Variants in CHRNG observed in about 807,000 individuals in gnomAD.
CHRNG encodes the protein acetylcholine receptor subunit gamma.
Under a neutral mutation model 65.2 loss-of-function variants are expected in CHRNG, and 72 were observed. The ratio of observed to expected loss-of-function variants is 1.10; its 90% CI spans 0.91 to 1.34. The LOEUF (loss-of-function observed/expected upper bound fraction) is 1.34. CHRNG is among the 40% of genes most tolerant of loss of function. CHRNG has a pLI of 0.00. For synonymous variants in CHRNG, 284 were observed against 290.2 expected, an observed-to-expected ratio of 0.98 and a Z score of 0.22; for missense variants, 637 against 680.1, an observed-to-expected ratio of 0.94 and a Z score of 0.70.
chr2:232,540,688 G>A lies in CHRNG; in HGVS notation c.327G>A (p.Arg109=), dbSNP rs150809496. The A allele has an allele frequency of 3.7e-6, 6 of 1,612,124 alleles. No homozygotes were observed. In the African/African-American group the frequency reaches 6.7e-5, roughly 18 times the overall value. ...VLRVPSTMVW[R]PDIVLENNVD... The stretch of plus-strand genomic sequence containing the variant: ...GGGTGCCGTCCACCATGGTGTGGCG[G>A]CCGGATATCGTGCTGGAGAACAAGT... The change falls in exon 4 of 12, where the codon CGG becomes CGA. Residue 109 remains arginine, a synonymous_variant. Coordinates refer to ENST00000651502, the MANE Select transcript of CHRNG (RefSeq NM_005199.5). This position sits in a 1 kb window ranked among gnomAD's most constrained non-coding sequence, Gnocchi z 4.2.
chr2:232,541,494 C>T lies in CHRNG; in HGVS notation c.471C>T (p.Phe157=), dbSNP rs143272752. ...RSACSISVTY[F]PFDWQNCSLI... is the part of the protein sequence containing the mutation. ...CCTGCTCTATCTCAGTCACCTACTT[C>T]CCCTTCGACTGGCAGAACTGCTCCC... Residue 157 remains phenylalanine, a synonymous_variant, in exon 5 of 12, where the codon TTC becomes TTT. Coordinates refer to ENST00000651502, the MANE Select transcript of CHRNG (RefSeq NM_005199.5). This position sits in a 1 kb window ranked among gnomAD's most constrained non-coding sequence, Gnocchi z 4.0. 2,194 of 1,614,156 alleles carry T rather than the reference C, an allele frequency of 1.4e-3. 6 individuals are homozygous for T. Among genetic ancestry groups the T allele is most frequent in the South Asian group, 2.9e-3 (266 of 91,088 alleles).
Position 232,541,817 on chromosome 2 carries a change from A to T in CHRNG, c.506+288A>T, listed in dbSNP as rs1692022706. 1.1e-5 allele frequency: 6 copies of T among 525,788 alleles called. 1 individual carries two copies. In the South Asian group the frequency reaches 1.2e-4, roughly 11 times the overall value. 32.6% of individuals were successfully genotyped at this position (525,788 alleles called of 1,614,324 possible). A position where few individuals can be genotyped will look rare whatever the true frequency, so the allele number is the denominator to read the frequency against. Reference sequence around the variant, plus strand: ...GGGGTGCGTGGGTGAGAAGGCACACATGCACACAAGATGCGTGTCTGCGCA... The same window carrying T: ...GGGGTGCGTGGGTGAGAAGGCACACTTGCACACAAGATGCGTGTCTGCGCA... On this transcript the variant is annotated intron_variant, in intron 5 of 11. Transcript: ENST00000651502. The surrounding 1 kb of genome is among the most constrained non-coding windows in gnomAD (Gnocchi z 4.0).
At position 232,543,706 on chromosome 2, in the gene CHRNG, A is replaced by T. The variant is rs1305247852; in HGVS notation, c.1035+7A>T. On this transcript the variant is annotated splice_region_variant and intron_variant, in intron 9 of 11. Transcript: ENST00000651502. ...GGCCCGAGGGGTCCGCAAGGCAAGG[A>T]CCCTCCCTGCCCACTTCAACATCCC... 1 of 1,558,350 alleles carries T rather than the reference A, an allele frequency of 6.4e-7. No individual in the cohort carries two copies. Among genetic ancestry groups the T allele is most frequent in the Non-Finnish European group, 8.8e-7 (1 of 1,130,598 alleles).
rs766650311 is a variant in CHRNG at position 232,542,426 on chromosome 2, C to T, written c.510C>T (p.Ser170=). The change falls in exon 6 of 12, where the codon TCC becomes TCT. Residue 170 remains serine, a synonymous_variant. Coordinates refer to ENST00000651502, the MANE Select transcript of CHRNG (RefSeq NM_005199.5). ...CTCTTTCCTCGGTGACTCCCAGGTC[C>T]CAGACTTACAGCACCAATGAGATTG... The part of the protein sequence containing the change: ...DWQNCSLIFQ[S]QTYSTNEIDL... 3 of 1,612,542 alleles carry T rather than the reference C, an allele frequency of 1.9e-6. No homozygotes were observed. In the Admixed American group the frequency reaches 5.0e-5, roughly 27 times the overall value.
chr2:232,543,504 G>A (rs1370209522), intron 8 of CHRNG, 81 bp from the exon 9 acceptor site: 4 of 1,091,374 alleles, frequency 3.7e-6, no homozygotes, highest in Non-Finnish European at 3.8e-6. Flanking sequence ...CAATTCAGGA[G>A]GCCTGAGGGG....
rs1341948998 is a variant in CHRNG, at chr2:232,546,040, C to T, written c.*324C>T. Reference sequence around the variant, plus strand: ...TATTCATTCCCATCAGTCTGAAGCCCGAAGGACTGTTTTGTATAATACCTT... The same window carrying T: ...TATTCATTCCCATCAGTCTGAAGCCTGAAGGACTGTTTTGTATAATACCTT... On this transcript the variant is annotated 3_prime_UTR_variant, in exon 12 of 12. Coordinates refer to ENST00000651502, the MANE Select transcript of CHRNG (RefSeq NM_005199.5). 1.3e-5 allele frequency: 6 copies of T among 448,106 alleles called. No homozygotes were observed. The highest frequency in any genetic ancestry group is 2.1e-5 in the Non-Finnish European group (5 of 239,894). The allele number at this position is 448,106 out of a possible 1,614,324, so 27.8% of individuals were successfully genotyped here.
In CHRNG at chr2:232,543,709, C is replaced by G. The variant is rs370687934; in HGVS notation, c.1035+10C>G. 11 of 1,526,394 alleles carry G rather than the reference C, an allele frequency of 7.2e-6. No individual in the cohort carries two copies. Among genetic ancestry groups the G allele is most frequent in the Middle Eastern group, 1.7e-4 (1 of 5,906 alleles). The allele number at this position is 1,526,394 out of a possible 1,614,324, so 94.6% of individuals were successfully genotyped here. The stretch of plus-strand genomic sequence containing the variant: ...CCGAGGGGTCCGCAAGGCAAGGACC[C>G]TCCCTGCCCACTTCAACATCCCGCT... On this transcript the variant is annotated intron_variant, in intron 9 of 11. Coordinates refer to ENST00000651502, the MANE Select transcript of CHRNG (RefSeq NM_005199.5).
At chr2:232,542,777 T>C in intron 6 of CHRNG, 105 bp from the exon 7 acceptor site, 1 of 1,011,216 alleles carries the variant, frequency 9.9e-7, no homozygotes, top group Non-Finnish European at 1.5e-6. Context: ...CCCCTGCTGG[T>C]GCTCCTTAGG....
rs1692118023 is a variant in CHRNG at position 232,545,642 on chromosome 2, A to G, written c.1480A>G (p.Met494Val). The G allele has an allele frequency of 1.2e-6, 2 of 1,613,946 alleles. No homozygotes were observed. The highest frequency in any genetic ancestry group is 1.7e-6 in the Non-Finnish European group (2 of 1,180,026). ...FICGTAGIFL[M>V]AHYNRVPALP... Reference sequence around the variant, plus strand: ...CTGTGGCACAGCTGGCATCTTCCTCATGGCCCACTACAACCGGGTGCCGGC... The same window carrying G: ...CTGTGGCACAGCTGGCATCTTCCTCGTGGCCCACTACAACCGGGTGCCGGC... Residue 494 changes from methionine (M) to valine (V), a missense_variant, in exon 12 of 12, where the codon ATG becomes GTG. Physicochemically the swap from Met to Val is conservative, Grantham distance 21. Transcript: ENST00000651502.
In CHRNG at chr2:232,540,818, T is replaced by C; in HGVS notation, c.350+107T>C. 9.5e-7 allele frequency: 1 copy of C among 1,056,512 alleles called. No homozygotes were observed. Among genetic ancestry groups the C allele is most frequent in the Admixed American group, 2.0e-5 (1 of 49,984 alleles). The allele number at this position is 1,056,512 out of a possible 1,614,324, so 65.4% of individuals were successfully genotyped here. A position where few individuals can be genotyped will look rare whatever the true frequency, so the allele number is the denominator to read the frequency against. On this transcript the variant is annotated intron_variant, in intron 4 of 11. Coordinates refer to ENST00000651502, the MANE Select transcript of CHRNG (RefSeq NM_005199.5). This position sits in a 1 kb window ranked among gnomAD's most constrained non-coding sequence, Gnocchi z 4.2. The stretch of plus-strand genomic sequence containing the variant: ...GAGAAAGATGAGCAGAGGGTGCAAA[T>C]CGGGCACCTGTGGGGCTAGGGAAGA...
chr2:232,543,377 C>A lies in CHRNG; in HGVS notation c.908C>A (p.Pro303Gln). 8 of 1,612,460 alleles carry A rather than the reference C, an allele frequency of 5.0e-6. No individual in the cohort carries two copies. The highest frequency in any genetic ancestry group is 6.8e-6 in the Non-Finnish European group (8 of 1,178,488). ...GTGCCTGAAACCTCCCAGGCGGTGC[C>A]ACTCATCAGCAAGTAAGGCTGGTCT... ...KKVPETSQAV[P>Q]LISKYLTFLL... Residue 303 changes from proline to glutamine, a missense_variant, in exon 8 of 12, where the codon CCA becomes CAA. By Grantham distance (76) the Pro-to-Gln change is moderately conservative. Transcript: ENST00000651502.
Position 232,545,715 on chromosome 2 carries a change from G to C in CHRNG, c.1553G>C (p.Ter518SerextTer29). 1 of 1,614,118 alleles carries C rather than the reference G, an allele frequency of 6.2e-7. No homozygotes were observed. The highest frequency in any genetic ancestry group is 8.5e-7 in the Non-Finnish European group (1 of 1,180,046). Reference sequence around the variant, plus strand: ...CGCCCCTACCTGCCCTCACCAGACTGAGCCAACCAACCACTGTGGGGCATG... The same window carrying C: ...CGCCCCTACCTGCCCTCACCAGACTCAGCCAACCAACCACTGTGGGGCATG... ...DPRPYLPSPD[*>S] Residue 518 changes from the stop codon to serine, a stop_lost, in exon 12 of 12, where the codon TGA becomes TCA. Coordinates refer to ENST00000651502, the MANE Select transcript of CHRNG (RefSeq NM_005199.5).
In CHRNG at chr2:232,548,046, C is replaced by T. The variant is rs1386897476; in HGVS notation, c.*2330C>T. On this transcript the variant is annotated 3_prime_UTR_variant, in exon 12 of 12. Coordinates refer to ENST00000651502, the MANE Select transcript of CHRNG (RefSeq NM_005199.5). ...ACCAGCAAGAGTGCAATAGCATTGT[C>T]TAATAAAACAATATACATACCTAAA... 6 of 565,224 alleles carry T rather than the reference C, an allele frequency of 1.1e-5. No individual in the cohort carries two copies. The Admixed American group carries it at 1.8e-4, about 17-fold the overall frequency. The allele number at this position is 565,224 out of a possible 1,614,324, so 35.0% of individuals were successfully genotyped here.
chr2:232,541,228 G>A lies in CHRNG; in HGVS notation c.351-146G>A, dbSNP rs1021456912. The A allele has an allele frequency of 5.3e-5, 51 of 968,216 alleles. No homozygotes were observed. Among genetic ancestry groups the A allele is most frequent in the Middle Eastern group, 3.0e-4 (1 of 3,306 alleles). 60.0% of individuals were successfully genotyped at this position (968,216 alleles called of 1,614,324 possible). On this transcript the variant is annotated intron_variant, in intron 4 of 11. Transcript: ENST00000651502. The surrounding 1 kb of genome is among the most constrained non-coding windows in gnomAD (Gnocchi z 4.0). ...GATTGCTGGGGGGACCTAGTGGTCC[G>A]GGTGGGAACCAGTCAGGGGGTGACA...
Position 232,540,653 on chromosome 2 carries a change from T to C in CHRNG, c.292T>C (p.Trp98Arg), listed in dbSNP as rs1211742621. ...RWDPRDYEGL[W>R]VLRVPSTMVW... Reference sequence around the variant, plus strand: ...GGATCCGCGAGACTACGAAGGCCTGTGGGTGCTGAGGGTGCCGTCCACCAT... The same window carrying C: ...GGATCCGCGAGACTACGAAGGCCTGCGGGTGCTGAGGGTGCCGTCCACCAT... The change falls in exon 4 of 12, where the codon TGG (tryptophan) becomes CGG (arginine). Residue 98 changes from tryptophan to arginine, a missense_variant. By Grantham distance (101) the Trp-to-Arg change is moderately radical (BLOSUM62 -3). Coordinates refer to ENST00000651502, the MANE Select transcript of CHRNG (RefSeq NM_005199.5). This position sits in a 1 kb window ranked among gnomAD's most constrained non-coding sequence, Gnocchi z 4.2. 2 of 1,613,104 alleles carry C rather than the reference T, an allele frequency of 1.2e-6. No individual in the cohort carries two copies. The highest frequency in any genetic ancestry group is 1.7e-6 in the Non-Finnish European group (2 of 1,179,978).
Position 232,545,785 on chromosome 2 carries a change from T to G in CHRNG, c.*69T>G, listed in dbSNP as rs1259742484. On this transcript the variant is annotated 3_prime_UTR_variant, in exon 12 of 12. Coordinates refer to ENST00000651502, the MANE Select transcript of CHRNG (RefSeq NM_005199.5). ...TCACACTGAGTCTTATCAGCCACGT[T>G]CTCCTACTGAGGTCCTAAGTGTGCT... is the stretch of plus-strand genomic sequence containing the variant. 31 of 1,543,428 alleles carry G rather than the reference T, an allele frequency of 2.0e-5. No individual in the cohort carries two copies. Among genetic ancestry groups the G allele is most frequent in the Non-Finnish European group, 2.8e-5 (31 of 1,118,374 alleles).
chr2:232,540,139 G>C lies in CHRNG; in HGVS notation c.195+8G>C, dbSNP rs762618905. 1 of 1,614,152 alleles carries C rather than the reference G, an allele frequency of 6.2e-7. No homozygotes were observed. Among genetic ancestry groups the C allele is most frequent in the Admixed American group, 1.7e-5 (1 of 60,034 alleles). On this transcript the variant is annotated splice_region_variant and intron_variant, in intron 2 of 11. Coordinates refer to ENST00000651502, the MANE Select transcript of CHRNG (RefSeq NM_005199.5). This position sits in a 1 kb window ranked among gnomAD's most constrained non-coding sequence, Gnocchi z 4.2. Reference sequence around the variant, plus strand: ...ACCAACCTCATCTCCCTGGTAAGCCGCAGGACGGAGGAGGGGTCAGCGCAC... The same window carrying C: ...ACCAACCTCATCTCCCTGGTAAGCCCCAGGACGGAGGAGGGGTCAGCGCAC...
At chr2:232,542,304 G>C (rs1692033101) in intron 5 of CHRNG, 119 bp from the exon 6 acceptor site, 3 of 719,502 alleles carry the variant, frequency 4.2e-6, no homozygotes, top group Non-Finnish European at 7.6e-6. Flanking sequence ...GAACTCAGAA[G>C]CGTGGGGCTG....
Position 232,544,542 on chromosome 2 carries a change from AGCGGCAAGGGCTGGTG to A in CHRNG, c.1218_1233del (p.Gly407ArgfsTer5), listed in dbSNP as rs1259913837. ...AGTGAACTCCTCTTCCAGCAGTGGC[AGCGGCAAGGGCTGGTG>A]GCGGCAGCGCTGGAGAAGCTAGGTG... On this transcript the variant is annotated frameshift_variant, in exon 10 of 12. Transcript: ENST00000651502. LOFTEE classifies it high-confidence loss of function. 1.9e-6 allele frequency: 3 copies of A among 1,613,642 alleles called. No homozygotes were observed. The African/African-American group carries it at 4.0e-5, about 22-fold the overall frequency.
Sources: gnomAD v4.1 joint callset for allele counts on GRCh38, gnomAD v4.1.1 for gene constraint, Gnocchi (gnomAD v3.1) non-coding constraint, MANE v1.5 for transcripts, NCBI Gene and HGNC (gene_info 2026-07-23, HGNC 2026-07-21) for gene names.